The following MICU3 variants were observed in gnomAD, a reference collection of about 807,000 sequenced individuals.
MICU3 encodes the protein mitochondrial calcium uptake 3.
A neutral mutation model predicts 66.5 loss-of-function variants in MICU3; 62 were observed. The ratio of observed to expected loss-of-function variants is 0.93; its 90% CI spans 0.76 to 1.15. The LOEUF (loss-of-function observed/expected upper bound fraction) is 1.15, where lower values mean the gene tolerates loss of function less well. MICU3 is among the 50% of genes most tolerant of loss of function. The probability of loss-of-function intolerance (pLI) is 0.00; values close to 1 mark genes in which losing one functional copy is unlikely to be tolerated. For missense variants in MICU3, 779 were observed against 664.4 expected, an observed-to-expected ratio of 1.17 and a Z score of -1.90; for synonymous variants, 308 against 240.7, an observed-to-expected ratio of 1.28 and a Z score of -2.59.
intron 1 of MICU3, among the ~76,000 whole-genome samples, chr8:17,039,896 T>TC (rs1813745405): frequency 2.4e-5 from 1 of 41,554 alleles, no homozygotes; most frequent in Non-Finnish European, 5.5e-5. Flanking sequence ...TCTTGCATTC[T>TC]TTTTTTTTTT....
At chr8:17,112,710 T>A (rs1425905867) in intron 11 of MICU3, among the ~76,000 whole-genome samples, 2 of 152,194 alleles carry the variant, frequency 1.3e-5, no homozygotes, top group Admixed American at 6.5e-5. Context: ...TGCCCCCCAA[T>A]ATATTGATAT....
chr8:17,028,790 C>G (rs1811486019), intron 1 of MICU3, among the ~76,000 whole-genome samples: 2 of 152,178 alleles, frequency 1.3e-5, no homozygotes, highest in South Asian at 4.1e-4. Context: ...TCTCCACCCC[C>G]TCCCCCTTCA....
intron 1 of MICU3, among the ~76,000 whole-genome samples, chr8:17,040,961 G>C (rs1401214784): frequency 1.3e-5 from 2 of 152,168 alleles, no homozygotes; most frequent in African/African-American, 4.8e-5. Context: ...AGAAAAAACA[G>C]GTTGGGAATA....
At chr8:17,115,457 G>A (rs764843507) in intron 12 of MICU3, among the ~76,000 whole-genome samples, 36 of 152,124 alleles carry the variant, frequency 2.4e-4, no homozygotes, top group Non-Finnish European at 4.0e-4. Context: ...TGGTTACTGG[G>A]TTCAGAATAG....
At chr8:17,135,294 A>G in the MICU3 span, among the ~76,000 whole-genome samples, 1 of 151,904 alleles carries the variant, frequency 6.6e-6, no homozygotes, top group Non-Finnish European at 1.5e-5. Flanking sequence ...GCTACTCGGG[A>G]GGCTGAGGCA....
rs1209779652 is a variant in MICU3 at position 17,081,728 on chromosome 8, T to C, written c.682T>C (p.Cys228Arg). ...TTACACAGAATATCTTTTTCTTTTA[T>C]GTATTTTAACAAGTAAGTATACTTA... ...ISYTEYLFLL[C>R]ILTKPHAGFR... Residue 228 changes from cysteine to arginine, a missense_variant, in exon 5 of 15, where the codon TGT becomes CGT. Transcript: ENST00000318063. 2 of 933,808 alleles carry C rather than the reference T, an allele frequency of 2.1e-6. No individual in the cohort carries two copies. Among genetic ancestry groups the C allele is most frequent in the Non-Finnish European group, 1.6e-6 (1 of 616,954 alleles). 57.8% of individuals were successfully genotyped at this position (933,808 alleles called of 1,614,324 possible).
the MICU3 span, among the ~76,000 whole-genome samples, chr8:17,130,698 G>A: frequency 3.3e-5 from 5 of 152,048 alleles, no homozygotes; most frequent in Non-Finnish European, 4.4e-5. Flanking sequence ...TATAGATTGC[G>A]ACCCATAGAA....
chr8:17,089,059 A>G (rs994165830), intron 7 of MICU3, among the ~76,000 whole-genome samples: 14 of 152,108 alleles, frequency 9.2e-5, no homozygotes, highest in Admixed American at 3.3e-4. Context: ...GATTAAAATA[A>G]CTTTTAAGTA....
At chr8:17,036,122 G>A (rs947078200) in intron 1 of MICU3, among the ~76,000 whole-genome samples, 3 of 152,044 alleles carry the variant, frequency 2.0e-5, no homozygotes, top group East Asian at 1.9e-4. Flanking sequence ...AGATGTGTTC[G>A]GAGTTTCTTC....
intron 6 of MICU3, 109 bp downstream of exon 6, chr8:17,085,427 T>TA (rs1799367901): frequency 6.6e-6 from 4 of 604,116 alleles, no homozygotes; most frequent in East Asian, 2.8e-5. Context: ...GTGAAAAACT[T>TA]ACGCTTTTGC....
Position 17,041,093 on chromosome 8 carries a change from A to G in MICU3, c.381+13433A>G, listed in dbSNP as rs528113064. ...CTCAGGAGAGAAATCCTTACTATAG[A>G]AATAGATTTGGGAATCATCACGTAT... On this transcript the variant is annotated intron_variant, in intron 1 of 14. Coordinates refer to ENST00000318063, the MANE Select transcript of MICU3 (RefSeq NM_181723.3). Among the ~76,000 whole-genome samples the G allele has an allele frequency of 2.0e-5, 3 of 152,346 alleles. No homozygotes were observed. The South Asian group carries it at 6.2e-4, about 32-fold the overall frequency.
intron 2 of MICU3, among the ~76,000 whole-genome samples, chr8:17,065,589 A>T (rs1265255024): frequency 6.6e-6 from 1 of 152,216 alleles, no homozygotes; most frequent in Non-Finnish European, 1.5e-5. Context: ...GAAGAAAATC[A>T]TAAGGGTATG....
chr8:17,135,009 C>T, the MICU3 span, among the ~76,000 whole-genome samples: 1 of 152,216 alleles, frequency 6.6e-6, no homozygotes, highest in Non-Finnish European at 1.5e-5. Context: ...GTATATTCTA[C>T]TTACAAGTCA....
intron 1 of MICU3, among the ~76,000 whole-genome samples, chr8:17,043,327 G>A (rs954246397): frequency 1.1e-4 from 16 of 152,126 alleles, no homozygotes; most frequent in Non-Finnish European, 2.1e-4. Flanking sequence ...ACCTATTAAA[G>A]TTAGTTATTT....
At position 17,120,566 on chromosome 8, in the gene MICU3, A is replaced by T. The variant is rs990572904; in HGVS notation, c.*279A>T. ...TTTCATTCCCTTCAGAAGTATATAG[A>T]TACTTCCGGTGACTACATATGAATG... is the stretch of plus-strand genomic sequence containing the variant. On this transcript the variant is annotated 3_prime_UTR_variant, in exon 15 of 15. Coordinates refer to ENST00000318063, the MANE Select transcript of MICU3 (RefSeq NM_181723.3). 2 of 152,292 alleles carry T rather than the reference A, an allele frequency of 1.3e-5. No individual in the cohort carries two copies. Among genetic ancestry groups the T allele is most frequent in the Non-Finnish European group, 1.5e-5 (1 of 67,942 alleles). The allele number at this position is 152,292 out of a possible 1,614,324, so 9.4% of individuals were successfully genotyped here.
At chr8:17,137,154 T>C in the MICU3 span, among the ~76,000 whole-genome samples, 1 of 152,056 alleles carries the variant, frequency 6.6e-6, no homozygotes, top group Non-Finnish European at 1.5e-5. Context: ...TCAATCCAAG[T>C]ACGTAAAGGC....
At position 17,063,880 on chromosome 8, in the gene MICU3, A is replaced by C. The variant is rs543381617; in HGVS notation, c.382-204A>C. ...GTTTAAAATCCTTAAGCTCTTAATG[A>C]TATTTTTTGTAGAATCTTTCGAATA... On this transcript the variant is annotated intron_variant, in intron 1 of 14. Transcript: ENST00000318063. Among the ~76,000 whole-genome samples, 61 of 152,280 alleles carry C rather than the reference A, an allele frequency of 4.0e-4. 1 individual carries two copies. Among genetic ancestry groups the C allele is most frequent in the African/African-American group, 1.4e-3 (59 of 41,572 alleles).
At chr8:17,073,955 A>G (rs1165233288) in intron 3 of MICU3, among the ~76,000 whole-genome samples, 2 of 152,232 alleles carry the variant, frequency 1.3e-5, no homozygotes, top group Non-Finnish European at 2.9e-5. Flanking sequence ...TCAAAGGTCC[A>G]TGAAGTCAAA....
At chr8:17,027,755 T>C (rs938994419) in intron 1 of MICU3, 95 bp downstream of exon 1, 19 of 1,233,096 alleles carry the variant, frequency 1.5e-5, no homozygotes, top group Admixed American at 4.2e-5. Flanking sequence ...GTGCAAGCGC[T>C]GTGGCCGCGG....
Sources: gnomAD v4.1 joint callset for allele counts (sites outside exome capture counted in the v4.1 genomes callset) on GRCh38, gnomAD v4.1.1 for gene constraint, MANE v1.5 for transcripts, NCBI Gene and HGNC (gene_info 2026-07-23, HGNC 2026-07-21) for gene names.